The following OPHN1 variants were observed in gnomAD, a reference collection of about 807,000 sequenced individuals.
The protein encoded by OPHN1 is oligophrenin 1.
A neutral mutation model predicts 60.7 loss-of-function variants in OPHN1; 11 were observed. The observed-to-expected ratio is 0.18, with a 90% CI of 0.11 to 0.30. The LOEUF is 0.30. OPHN1 is among the 10% of genes least tolerant of loss of function. The probability of loss-of-function intolerance (pLI) is 1.00; values close to 1 mark genes in which losing one functional copy is unlikely to be tolerated. For missense variants in OPHN1, 449 were observed against 611.0 expected (o/e 0.73, Z 2.80); for synonymous variants, 226 against 222.6 (o/e 1.02, Z -0.14).
intron 5 of OPHN1, among the ~76,000 whole-genome samples, chrX:68,237,569 C>T (rs759560998): frequency 1.7e-4 from 19 of 112,382 alleles, no homozygotes; most frequent in South Asian, 3.7e-4. Flanking sequence ...AAGTCTTGCA[C>T]ATCTTTTGTT....
chrX:68,365,848 T>A (rs1191746760), intron 2 of OPHN1, among the ~76,000 whole-genome samples: 1 of 104,444 alleles, frequency 9.6e-6, no homozygotes, highest in Non-Finnish European at 1.9e-5. Context: ...TTTCTAACAC[T>A]GTTTGGCTCA....
intron 2 of OPHN1, among the ~76,000 whole-genome samples, chrX:68,342,215 C>T (rs2078356571): frequency 9.0e-6 from 1 of 110,958 alleles, no homozygotes; most frequent in Admixed American, 9.7e-5. Context: ...AAGTGATCCA[C>T]CCACCTCAGC....
intron 15 of OPHN1, among the ~76,000 whole-genome samples, chrX:68,127,081 G>A (rs1003829934): frequency 9.0e-5 from 10 of 111,278 alleles, no homozygotes; most frequent in African/African-American, 3.3e-4. Flanking sequence ...AGAGTAGACT[G>A]GTGAGTATCA....
intron 23 of OPHN1, among the ~76,000 whole-genome samples, chrX:68,049,519 T>C (rs1322777684): frequency 1.8e-5 from 2 of 111,797 alleles, no homozygotes; most frequent in African/African-American, 6.5e-5. Flanking sequence ...GGGAATGCCA[T>C]AGGCCAGGGC....
At position 68,299,025 on chromosome X, in the gene OPHN1, G is replaced by C; in HGVS notation, c.226C>G (p.Leu76Val). 1 of 1,190,106 alleles carries C rather than the reference G, an allele frequency of 8.4e-7. No homozygotes were observed. Among genetic ancestry groups the C allele is most frequent in the Non-Finnish European group, 1.1e-6 (1 of 878,492 alleles). The change falls in exon 3 of 25, where the codon CTG becomes GTG. Residue 76 changes from leucine to valine, a missense_variant. Leu to Val is a conservative substitution (Grantham distance 32). Transcript: ENST00000355520. ...SFQFDFIGDT[L>V]TDDEINIAES... ...CCGATGTTAATTTCATCATCAGTCAGAGTGTCTCCAATGAAATCAAACTGA... is the reference window on the plus strand; with the variant it reads ...CCGATGTTAATTTCATCATCAGTCACAGTGTCTCCAATGAAATCAAACTGA...
intron 16 of OPHN1, among the ~76,000 whole-genome samples, chrX:68,117,127 C>T (rs1201165498): frequency 9.0e-6 from 1 of 111,215 alleles, no homozygotes; most frequent in Admixed American, 9.6e-5. Flanking sequence ...CCTTTAAAGC[C>T]ATGAATGATA....
At chrX:68,266,405 A>T (rs2147577064) in intron 5 of OPHN1, among the ~76,000 whole-genome samples, 1 of 111,651 alleles carries the variant, frequency 9.0e-6, no homozygotes, top group African/African-American at 3.3e-5. Context: ...TTCTCAACCC[A>T]GAATTTCATA....
chrX:68,291,690 T>C (rs1052156990), intron 3 of OPHN1, among the ~76,000 whole-genome samples: 2 of 109,970 alleles, frequency 1.8e-5, no homozygotes, highest in Non-Finnish European at 3.8e-5. Flanking sequence ...TTCTGAAAAA[T>C]GGTTAGACTG....
At chrX:68,317,575 GAGAA>G (rs760397325) in intron 2 of OPHN1, among the ~76,000 whole-genome samples, 13 of 72,110 alleles carry the variant, frequency 1.8e-4, no homozygotes, top group South Asian at 6.6e-4. Context: ...AAGAAAGAAA[GAGAA>G]AGAAAGAAAG....
Position 68,322,265 on chromosome X carries a change from C to T in OPHN1, c.155-23169G>A, listed in dbSNP as rs775037331. Among the ~76,000 whole-genome samples the T allele has an allele frequency of 5.1e-4, 57 of 111,775 alleles. 2 individuals are homozygous for T. Among genetic ancestry groups the T allele is most frequent in the Non-Finnish European group, 9.8e-4 (52 of 53,239 alleles). On this transcript the variant is annotated intron_variant, in intron 2 of 24. Coordinates refer to ENST00000355520, the MANE Select transcript of OPHN1 (RefSeq NM_002547.3). ...GGGATTACAGACATGGGTCACTGTA[C>T]CTGGCCCTCAGTTTCTTTTAAAACA...
chrX:68,121,617 G>A (rs1602170778), intron 15 of OPHN1, among the ~76,000 whole-genome samples: 1 of 109,936 alleles, frequency 9.1e-6, no homozygotes, highest in East Asian at 2.9e-4. Context: ...CACAAGGACT[G>A]CAACTCTTAT....
At chrX:68,095,006 T>C (rs912709461) in intron 19 of OPHN1, among the ~76,000 whole-genome samples, 1 of 111,505 alleles carries the variant, frequency 9.0e-6, no homozygotes, top group Non-Finnish European at 1.9e-5. Context: ...TCTCCTTTCC[T>C]ATCTGTATTT....
In OPHN1 at chrX:68,146,927, T is replaced by G. The variant is rs191144989; in HGVS notation, c.1277-27595A>C. 7.1e-5 allele frequency among the ~76,000 whole-genome samples: 8 copies of G among 112,298 alleles called. No homozygotes were observed. In the East Asian group the frequency reaches 1.1e-3, roughly 16 times the overall value. ...ACAAGTCTGTGTACATATATGTACA[T>G]ATGGCAACTGAAAATTGGAATACTG... On this transcript the variant is annotated intron_variant, in intron 15 of 24. Transcript: ENST00000355520.
chrX:68,202,349 T>A (rs138004328), intron 10 of OPHN1, among the ~76,000 whole-genome samples: 2,518 of 112,040 alleles, frequency 0.022, 63 homozygotes, highest in African/African-American at 0.077. Context: ...ACTTTAGTCC[T>A]GTAGGTAATT....
chrX:68,108,121 T>G (rs1026104952), intron 18 of OPHN1, among the ~76,000 whole-genome samples: 3 of 112,554 alleles, frequency 2.7e-5, no homozygotes, highest in Non-Finnish European at 5.6e-5. Flanking sequence ...TATTTATTGT[T>G]ATTGATGTTC....
At chrX:68,077,241 T>C (rs2076956921) in intron 19 of OPHN1, among the ~76,000 whole-genome samples, 1 of 111,188 alleles carries the variant, frequency 9.0e-6, no homozygotes, top group Non-Finnish European at 1.9e-5. Context: ...TAAGCTGTTA[T>C]TGGGAGGATG....
intron 3 of OPHN1, among the ~76,000 whole-genome samples, chrX:68,291,165 G>A (rs1480252914): frequency 9.0e-6 from 1 of 111,386 alleles, no homozygotes; most frequent in Non-Finnish European, 1.9e-5. Flanking sequence ...AGATATAAGG[G>A]TCATTGCTAT....
At chrX:68,395,117 C>T (rs183937466) in intron 2 of OPHN1, among the ~76,000 whole-genome samples, 239 of 106,229 alleles carry the variant, frequency 2.2e-3, no homozygotes, top group Middle Eastern at 0.02. Context: ...CACCACACCC[C>T]GCTAATTTTT....
intron 2 of OPHN1, among the ~76,000 whole-genome samples, chrX:68,317,559 GAA>G (rs1423447512): frequency 4.3e-5 from 3 of 70,501 alleles, no homozygotes; most frequent in South Asian, 1.5e-3. Flanking sequence ...AAGAAAGAAA[GAA>G]AGAAAGAAAG....
Sources: allele counts gnomAD v4.1 joint callset (sites outside exome capture counted in the v4.1 genomes callset), GRCh38; gene constraint gnomAD v4.1.1; transcripts MANE v1.5; gene names NCBI Gene and HGNC (gene_info 2026-07-23, HGNC 2026-07-21).